HOXC4: variants seen among roughly 807,000 people sequenced by gnomAD.
HOXC4 encodes homeobox protein Hox-C4.
Under a neutral mutation model 25.5 loss-of-function variants are expected in HOXC4, and 15 were observed. The ratio of observed to expected loss-of-function variants is 0.59; its 90% confidence interval spans 0.39 to 0.91. The LOEUF is 0.91. HOXC4 is among the 40% of genes least tolerant of loss of function. The probability of loss-of-function intolerance (pLI) is 0.00; values close to 1 mark genes in which losing one functional copy is unlikely to be tolerated. For missense variants in HOXC4, 342 were observed against 352.4 expected, an observed-to-expected ratio of 0.97 and a Z score of 0.24; for synonymous variants, 165 against 148.0, an observed-to-expected ratio of 1.11 and a Z score of -0.83.
intron 1 of HOXC4, chr12:54,033,235 A>G (rs746568160): frequency 1.2e-6 from 2 of 1,614,204 alleles, no homozygotes; most frequent in Non-Finnish European, 8.5e-7. Context: ...GCATCCAGGT[A>G]CTGCTACGGC....
intron 1 of HOXC4, chr12:54,020,780 G>T (rs538164319): frequency 4.1e-4 from 63 of 152,304 alleles, no homozygotes; most frequent in African/African-American, 1.2e-3. Context: ...TGGAATCGGA[G>T]TATGCGGGTT....
At chr12:54,048,505 G>T (rs533282932) in intron 1 of HOXC4, among the ~76,000 whole-genome samples, 2 of 152,210 alleles carry the variant, frequency 1.3e-5, no homozygotes, top group Admixed American at 1.3e-4. Context: ...TAAAATGCAC[G>T]GTCTTTGGGA....
chr12:54,039,320 G>A (rs535750235), intron 1 of HOXC4, among the ~76,000 whole-genome samples: 6 of 152,278 alleles, frequency 3.9e-5, no homozygotes, highest in South Asian at 4.1e-4. Context: ...CAAGGGACTG[G>A]GGAAGAAGCG....
At chr12:54,031,828 T>C (rs1423088728) in intron 1 of HOXC4, among the ~76,000 whole-genome samples, 2 of 152,122 alleles carry the variant, frequency 1.3e-5, no homozygotes, top group African/African-American at 2.4e-5. Flanking sequence ...TGGCTGCAGA[T>C]ACCCTGCGAA....
intron 1 of HOXC4, among the ~76,000 whole-genome samples, chr12:54,044,229 C>A (rs1450241448): frequency 6.6e-6 from 1 of 152,104 alleles, no homozygotes; most frequent in Non-Finnish European, 1.5e-5. Context: ...CCACCTGAGG[C>A]CCCTCCTTTC....
chr12:54,017,994 C>CAGCTAGGCGGCCGGCGG (rs1940234483), intron 1 of HOXC4, among the ~76,000 whole-genome samples: 1 of 152,190 alleles, frequency 6.6e-6, no homozygotes, highest in African/African-American at 2.4e-5. Flanking sequence ...GAAGCCGGCG[C>CAGCTAGGCGGCCGGCGG]AGCTAGGCGG....
chr12:54,034,285 C>T (rs145300322), intron 1 of HOXC4: 1 of 1,613,476 alleles, frequency 6.2e-7, no homozygotes, highest in Non-Finnish European at 8.5e-7. Context: ...CAGAGACGGA[C>T]GGCAAGCGGT....
intron 1 of HOXC4, among the ~76,000 whole-genome samples, chr12:54,026,127 G>A (rs557325987): frequency 6.6e-6 from 1 of 152,232 alleles, no homozygotes; most frequent in South Asian, 2.1e-4. Context: ...AAATTGGAGG[G>A]GGGGACAGAG....
At chr12:54,044,921 C>T (rs995551276) in intron 1 of HOXC4, among the ~76,000 whole-genome samples, 1 of 152,202 alleles carries the variant, frequency 6.6e-6, no homozygotes, top group Non-Finnish European at 1.5e-5. Context: ...GTTAAGAGCC[C>T]TCTAATTCAG....
intron 1 of HOXC4, among the ~76,000 whole-genome samples, chr12:54,046,426 T>C (rs773812860): frequency 6.6e-6 from 1 of 151,992 alleles, no homozygotes; most frequent in Non-Finnish European, 1.5e-5. Context: ...GGGACAAGTA[T>C]TGGGGTGTCG....
intron 1 of HOXC4, chr12:54,028,556 G>C: frequency 6.2e-7 from 1 of 1,614,082 alleles, no homozygotes; most frequent in Non-Finnish European, 8.5e-7. Context: ...TCCTTATCCT[G>C]CCACCTCGCC....
At chr12:54,053,793 G>T, upstream of HOXC4, 1 of 687,970 alleles carries the variant, frequency 1.5e-6, no homozygotes, top group East Asian at 2.7e-5. Context: ...CGGGGACTGG[G>T]TTGCTCCGTG....
chr12:54,028,405 T>G, intron 1 of HOXC4: 2 of 1,180,690 alleles, frequency 1.7e-6, no homozygotes, highest in Non-Finnish European at 2.4e-6. Flanking sequence ...CAGCTGACTT[T>G]GTCATTTTGT....
chr12:54,041,979 T>TTC (rs1555186447), intron 1 of HOXC4, among the ~76,000 whole-genome samples: 1 of 137,602 alleles, frequency 7.3e-6, no homozygotes, highest in Non-Finnish European at 1.5e-5. Flanking sequence ...TTTCTTTTCT[T>TTC]TTTTTTTTTT....
At chr12:54,033,272 A>G in intron 1 of HOXC4, 1 of 1,611,960 alleles carries the variant, frequency 6.2e-7, no homozygotes, top group South Asian at 1.1e-5. Flanking sequence ...TCACTTTCCC[A>G]CCGCCTGCGC....
intron 1 of HOXC4, among the ~76,000 whole-genome samples, chr12:54,024,683 T>C (rs942906950): frequency 6.7e-6 from 1 of 149,904 alleles, no homozygotes; most frequent in African/African-American, 2.4e-5. Context: ...CTTTCCCCAG[T>C]TCAGAGCTCA....
At chr12:54,027,386 G>A (rs763855455) in intron 1 of HOXC4, among the ~76,000 whole-genome samples, 23 of 152,154 alleles carry the variant, frequency 1.5e-4, no homozygotes, top group Non-Finnish European at 2.6e-4. Flanking sequence ...ACCAAGGCAG[G>A]GGCTTGAGCC....
At chr12:54,031,756 T>G (rs1218474420) in intron 1 of HOXC4, among the ~76,000 whole-genome samples, 1 of 152,098 alleles carries the variant, frequency 6.6e-6, no homozygotes, top group African/African-American at 2.4e-5. Context: ...GGAGATTTCC[T>G]GGGAAGAAGC....
chr12:54,037,274 G>T (rs899559295), intron 1 of HOXC4, among the ~76,000 whole-genome samples: 1 of 152,190 alleles, frequency 6.6e-6, no homozygotes. Flanking sequence ...TTGGGGCCTG[G>T]GGTAGTTTCC....
Sources: gnomAD v4.1 joint callset for allele counts (sites outside exome capture counted in the v4.1 genomes callset) on GRCh38, gnomAD v4.1.1 for gene constraint, MANE v1.5 for transcripts, NCBI Gene and HGNC (gene_info 2026-07-23, HGNC 2026-07-21) for gene names.